The following USH2A variants were observed in gnomAD, a reference collection of about 807,000 sequenced individuals.
The protein encoded by USH2A is usherin.
A neutral mutation model predicts 538.9 loss-of-function variants in USH2A; 443 were observed. The ratio of observed to expected loss-of-function variants is 0.82; its 90% CI spans 0.76 to 0.89. The LOEUF (loss-of-function observed/expected upper bound fraction) is 0.89, where lower values mean the gene tolerates loss of function less well. Ranked by LOEUF, USH2A falls within the 40% of genes least tolerant of loss-of-function variation. USH2A has a pLI of 0.00. For missense variants in USH2A, 6,633 were observed against 6,324.8 expected, an observed-to-expected ratio of 1.05 and a Z score of -1.65; for synonymous variants, 2,413 against 2,273.5, an observed-to-expected ratio of 1.06 and a Z score of -1.75.
intron 21 of USH2A, among the ~76,000 whole-genome samples, chr1:216,146,598 AC>A (rs938067607): frequency 6.6e-6 from 1 of 151,504 alleles, no homozygotes; most frequent in African/African-American, 2.4e-5. Flanking sequence ...GGGGCAAGAA[AC>A]CCCCAATCGC....
chr1:216,366,618 A>T (rs1038817538), intron 3 of USH2A, among the ~76,000 whole-genome samples: 1 of 151,230 alleles, frequency 6.6e-6, no homozygotes, highest in Non-Finnish European at 1.5e-5. Flanking sequence ...ACAACAAAAC[A>T]AAAAAAACAG....
rs773808835 is a variant in USH2A, at chr1:215,867,170, C to A, written c.8682G>T (p.Arg2894Ser). ...QWLYEDKGLS[R>S]FTTYEYMLFV... Reference sequence around the variant, plus strand: ...AGAGCATATATTCATAGGTTGTAAACCTAAAATGTTGTTTTGTTAAAAAAA... The same window carrying A: ...AGAGCATATATTCATAGGTTGTAAAACTAAAATGTTGTTTTGTTAAAAAAA... Residue 2894 changes from arginine to serine, a missense_variant and splice_region_variant, in exon 44 of 72, where the codon AGG becomes AGT. Coordinates refer to ENST00000307340, the MANE Select transcript of USH2A (RefSeq NM_206933.4). The A allele has an allele frequency of 6.2e-7, 1 of 1,613,778 alleles. No individual in the cohort carries two copies.
In USH2A at chr1:215,782,278, G is replaced by A. The variant is rs557011588; in HGVS notation, c.10586-82C>T. On this transcript the variant is annotated intron_variant, in intron 53 of 71. Transcript: ENST00000307340. The stretch of plus-strand genomic sequence containing the variant: ...AAACAACTTACAAATCTTAGTGTTC[G>A]GAAGAAATGCAATACTATAGCTTTA... The A allele has an allele frequency of 4.2e-4, 609 of 1,444,184 alleles. 1 individual carries two copies. Among genetic ancestry groups the A allele is most frequent in the South Asian group, 6.4e-4 (55 of 85,862 alleles). 89.5% of individuals were successfully genotyped at this position (1,444,184 alleles called of 1,614,324 possible).
At chr1:215,944,121 T>G (rs1381789087) in intron 37 of USH2A, among the ~76,000 whole-genome samples, 2 of 152,148 alleles carry the variant, frequency 1.3e-5, no homozygotes, top group African/African-American at 4.8e-5. Flanking sequence ...CGAGTTATAA[T>G]AAAACAGGGT....
At chr1:216,121,335 A>T (rs1371266708) in intron 21 of USH2A, among the ~76,000 whole-genome samples, 1 of 152,212 alleles carries the variant, frequency 6.6e-6, no homozygotes, top group Non-Finnish European at 1.5e-5. Flanking sequence ...AAAAGTAAAG[A>T]ACATAACTTA....
chr1:216,366,206 G>A (rs968323407), intron 3 of USH2A, among the ~76,000 whole-genome samples: 3 of 152,124 alleles, frequency 2.0e-5, no homozygotes, highest in Admixed American at 6.6e-5. Context: ...GAGAGGGGAG[G>A]AAAGAGTGAG....
At chr1:215,725,293 C>A (rs1426786597) in intron 61 of USH2A, among the ~76,000 whole-genome samples, 1 of 152,216 alleles carries the variant, frequency 6.6e-6, no homozygotes, top group Non-Finnish European at 1.5e-5. Context: ...CAGGCATGAG[C>A]CACTGCGTCT....
In USH2A at chr1:216,093,584, T is replaced by A. The variant is rs1571955359; in HGVS notation, c.4758+3499A>T. Among the ~76,000 whole-genome samples the A allele has an allele frequency of 2.0e-5, 3 of 152,254 alleles. No homozygotes were observed. In the South Asian group the frequency reaches 6.2e-4, roughly 32 times the overall value. ...GCAGTTTGACCCCTTTACCCTCCTA[T>A]CCTACAGAGTCTTAAGGTATCGCAT... On this transcript the variant is annotated intron_variant, in intron 22 of 71. Transcript: ENST00000307340.
intron 21 of USH2A, among the ~76,000 whole-genome samples, chr1:216,122,928 T>A (rs2033166216): frequency 1.3e-5 from 2 of 152,086 alleles, no homozygotes; most frequent in Non-Finnish European, 1.5e-5. Context: ...TAATCTTGAG[T>A]GTGAGAAAAG....
chr1:215,900,672 A>T (rs1410472226), intron 39 of USH2A, 83 bp downstream of exon 39: 1 of 1,587,098 alleles, frequency 6.3e-7, no homozygotes, highest in Non-Finnish European at 8.6e-7. Flanking sequence ...ATTTTTTGCA[A>T]ATGAGAACTG....
intron 61 of USH2A, among the ~76,000 whole-genome samples, chr1:215,727,155 GTA>G (rs1327864887): frequency 5.3e-5 from 8 of 152,114 alleles, no homozygotes; most frequent in African/African-American, 1.7e-4. Flanking sequence ...GCAACTTTGT[GTA>G]TGTGTGTGTG....
intron 41 of USH2A, among the ~76,000 whole-genome samples, chr1:215,885,054 C>G (rs1025046108): frequency 1.3e-5 from 2 of 151,312 alleles, no homozygotes; most frequent in African/African-American, 4.9e-5. Context: ...AGTCATGCAA[C>G]TTAGTTATTT....
At chr1:216,173,932 T>A (rs950639530) in intron 21 of USH2A, 3 of 967,038 alleles carry the variant, frequency 3.1e-6, no homozygotes, top group Non-Finnish European at 3.7e-6. Flanking sequence ...TTTCCTTACC[T>A]TTTTTTTCTT....
intron 37 of USH2A, among the ~76,000 whole-genome samples, chr1:215,940,839 G>T (rs1666613899): frequency 6.6e-6 from 1 of 152,112 alleles, no homozygotes; most frequent in Non-Finnish European, 1.5e-5. Context: ...CCTGACAATT[G>T]TAGTGCAGGG....
At chr1:216,213,729 G>A (rs1215562850) in intron 15 of USH2A, among the ~76,000 whole-genome samples, 1 of 150,784 alleles carries the variant, frequency 6.6e-6, no homozygotes, top group African/African-American at 2.4e-5. Flanking sequence ...GGAAAAGCTT[G>A]GTAAATTGAC....
chr1:216,411,247 C>A (rs1002029592), intron 3 of USH2A, among the ~76,000 whole-genome samples: 3 of 152,120 alleles, frequency 2.0e-5, no homozygotes, highest in African/African-American at 7.2e-5. Context: ...GGCATTTACA[C>A]TATTTGCTAT....
chr1:215,765,501 G>T (rs1170013999), intron 56 of USH2A, among the ~76,000 whole-genome samples: 1 of 152,094 alleles, frequency 6.6e-6, no homozygotes, highest in Non-Finnish European at 1.5e-5. Flanking sequence ...AATTAACATT[G>T]CATTTCTGTT....
At chr1:215,771,579 C>CAAAAAAAAAAAAAAAAAAAAAAAAAA (rs759067576) in intron 55 of USH2A, among the ~76,000 whole-genome samples, 1 of 43,988 alleles carries the variant, frequency 2.3e-5, no homozygotes, top group Non-Finnish European at 3.7e-5. Flanking sequence ...GACTCCGTCT[C>CAAAAAAAAAAAAAAAAAAAAAAAAAA]AAAAAAAAAA....
intron 21 of USH2A, among the ~76,000 whole-genome samples, chr1:216,143,128 T>C (rs1024418392): frequency 6.6e-6 from 1 of 152,186 alleles, no homozygotes; most frequent in Admixed American, 6.5e-5. Flanking sequence ...AACTTGTCTA[T>C]GTTGTAATAA....
Sources: gnomAD v4.1 joint callset for allele counts (sites outside exome capture counted in the v4.1 genomes callset) on GRCh38, gnomAD v4.1.1 for gene constraint, MANE v1.5 for transcripts, NCBI Gene and HGNC (gene_info 2026-07-23, HGNC 2026-07-21) for gene names.